CTNNA3: variants seen among roughly 807,000 people sequenced by gnomAD.
CTNNA3 encodes catenin alpha 3.
A neutral mutation model predicts 95.7 loss-of-function variants in CTNNA3; 76 were observed. The observed-to-expected ratio is 0.79, with a 90% CI of 0.66 to 0.96. CTNNA3 has a LOEUF of 0.96. Among genes scored for constraint, CTNNA3 ranks in the 40% least tolerant of loss-of-function variants. The pLI, the probability that CTNNA3 is intolerant of heterozygous loss-of-function variation, is 0.00. For synonymous variants in CTNNA3, 431 were observed against 374.4 expected, an observed-to-expected ratio of 1.15 and a Z score of -1.74; for missense variants, 1,191 against 1,089.8, an observed-to-expected ratio of 1.09 and a Z score of -1.31.
At chr10:66,865,836 A>G (rs551083186) in intron 7 of CTNNA3, among the ~76,000 whole-genome samples, 47 of 152,226 alleles carry the variant, frequency 3.1e-4, no homozygotes, top group African/African-American at 1.1e-3. Flanking sequence ...AAAATACACC[A>G]TAAGTTGAAC....
At chr10:67,419,598 A>C (rs1845674271) in intron 5 of CTNNA3, among the ~76,000 whole-genome samples, 1 of 152,198 alleles carries the variant, frequency 6.6e-6, no homozygotes, top group South Asian at 2.1e-4. Flanking sequence ...CATCAATTAC[A>C]AATAAATTAA....
intron 6 of CTNNA3, among the ~76,000 whole-genome samples, chr10:67,181,693 T>C (rs1186586282): frequency 6.6e-6 from 1 of 152,118 alleles, no homozygotes; most frequent in Non-Finnish European, 1.5e-5. Flanking sequence ...ATATATAAAA[T>C]CTTATACTTA....
At chr10:67,647,788 G>C (rs1839763537) in intron 1 of CTNNA3, among the ~76,000 whole-genome samples, 1 of 152,160 alleles carries the variant, frequency 6.6e-6, no homozygotes, top group Admixed American at 6.6e-5. Flanking sequence ...CTCATCCGGG[G>C]TGGGTTTGTA....
chr10:66,199,791 ATATATATATATATATTTTTTTTTT>A (rs1327752172), intron 13 of CTNNA3, among the ~76,000 whole-genome samples: 4 of 12,342 alleles, frequency 3.2e-4, no homozygotes, highest in African/African-American at 6.2e-4. Flanking sequence ...ATATATATAT[ATATATATATATATATTTTTTTTTT>A]TTTTTTTTTT....
intron 3 of CTNNA3, among the ~76,000 whole-genome samples, chr10:67,594,818 G>A (rs963649946): frequency 1.3e-5 from 2 of 151,762 alleles, no homozygotes; most frequent in African/African-American, 4.8e-5. Flanking sequence ...TGATATTTTG[G>A]TGCACCCATC....
chr10:66,749,202 C>CAAAAA (rs35568730), intron 9 of CTNNA3, among the ~76,000 whole-genome samples: 824 of 50,876 alleles, frequency 0.016, no homozygotes, highest in East Asian at 0.022. Context: ...AACTCCAACT[C>CAAAAA]AAAAAAAAAA....
At chr10:66,445,357 A>C (rs1262188622) in intron 11 of CTNNA3, among the ~76,000 whole-genome samples, 1 of 152,114 alleles carries the variant, frequency 6.6e-6, no homozygotes. Flanking sequence ...ACCCCAAATC[A>C]ACAGAATATA....
chr10:67,151,314 C>A (rs1203485391), intron 7 of CTNNA3, among the ~76,000 whole-genome samples: 1 of 149,420 alleles, frequency 6.7e-6, no homozygotes, highest in Non-Finnish European at 1.5e-5. Flanking sequence ...AATTTTCCAG[C>A]ACTGTGCAAA....
At chr10:67,501,570 T>A (rs1044927171) in intron 5 of CTNNA3, among the ~76,000 whole-genome samples, 20 of 152,200 alleles carry the variant, frequency 1.3e-4, no homozygotes, top group Non-Finnish European at 2.6e-4. Context: ...TCCAACTTGG[T>A]TTCATTCTCC....
intron 7 of CTNNA3, among the ~76,000 whole-genome samples, chr10:66,892,273 C>G (rs931223528): frequency 6.6e-6 from 1 of 152,044 alleles, no homozygotes; most frequent in African/African-American, 2.4e-5. Flanking sequence ...TGTCAAAATG[C>G]AATGTGTTCC....
At chr10:67,187,581 T>A (rs1260710055) in intron 6 of CTNNA3, among the ~76,000 whole-genome samples, 1 of 152,034 alleles carries the variant, frequency 6.6e-6, no homozygotes, top group Non-Finnish European at 1.5e-5. Flanking sequence ...CTCCCCTTTG[T>A]TTCTTTCTTT....
At chr10:66,131,216 C>T (rs2083086822) in intron 13 of CTNNA3, among the ~76,000 whole-genome samples, 1 of 152,096 alleles carries the variant, frequency 6.6e-6, no homozygotes, top group South Asian at 2.1e-4. Context: ...TCAACTCAAT[C>T]TATGAGGCCA....
intron 7 of CTNNA3, among the ~76,000 whole-genome samples, chr10:67,015,802 G>A (rs1167761232): frequency 6.6e-6 from 1 of 151,622 alleles, no homozygotes; most frequent in African/African-American, 2.4e-5. Flanking sequence ...TCTTTTCCCT[G>A]TCTTCCGTAT....
chr10:65,997,958 C>T (rs958693405), intron 15 of CTNNA3, among the ~76,000 whole-genome samples: 2 of 151,978 alleles, frequency 1.3e-5, no homozygotes, highest in South Asian at 2.1e-4. Context: ...GAGGTTGCGG[C>T]GAGCCAAGAT....
intron 7 of CTNNA3, among the ~76,000 whole-genome samples, chr10:67,114,709 GGTGTGTGTGTGTGT>G (rs56772381): frequency 6.9e-6 from 1 of 144,752 alleles, no homozygotes; most frequent in Non-Finnish European, 1.5e-5. Context: ...GGTTCTTAAA[GGTGTGTGTGTGTGT>G]GTGTGTGTGT....
chr10:66,408,503 T>C (rs1442712010), intron 11 of CTNNA3, among the ~76,000 whole-genome samples: 2 of 152,170 alleles, frequency 1.3e-5, no homozygotes, highest in Non-Finnish European at 2.9e-5. Context: ...AAATATTCTC[T>C]TCAGTATCCT....
At chr10:66,965,256 G>T (rs1849336321) in intron 7 of CTNNA3, among the ~76,000 whole-genome samples, 1 of 151,954 alleles carries the variant, frequency 6.6e-6, no homozygotes, top group Non-Finnish European at 1.5e-5. Context: ...TTGTTTTTTG[G>T]CTCGGCATGG....
intron 13 of CTNNA3, among the ~76,000 whole-genome samples, chr10:66,196,485 C>T (rs1018292027): frequency 5.9e-5 from 9 of 152,124 alleles, no homozygotes; most frequent in African/African-American, 1.7e-4. Flanking sequence ...AAACTCCATG[C>T]CTCTGTATAT....
intron 13 of CTNNA3, among the ~76,000 whole-genome samples, chr10:66,243,969 C>A (rs894062901): frequency 6.6e-6 from 1 of 152,138 alleles, no homozygotes. Context: ...TACAAGCCTA[C>A]ACTCTTGGAC....
Sources: gnomAD v4.1 joint callset for allele counts (sites outside exome capture counted in the v4.1 genomes callset) on GRCh38, gnomAD v4.1.1 for gene constraint, MANE v1.5 for transcripts, NCBI Gene and HGNC (gene_info 2026-07-23, HGNC 2026-07-21) for gene names.